The following NUP62 variants were observed in gnomAD, a reference collection of about 807,000 sequenced individuals.
The protein encoded by NUP62 is nucleoporin 62.
For missense variants in NUP62, 647 were observed against 689.4 expected (o/e 0.94, Z 0.69); for synonymous variants, 305 against 303.4 (o/e 1.01, Z -0.05).
chr19:49,909,523 T>C lies in NUP62; in HGVS notation c.285A>G (p.Ser95=), dbSNP rs2075407398. The C allele has an allele frequency of 6.2e-7, 1 of 1,614,058 alleles. No homozygotes were observed. The highest frequency in any genetic ancestry group is 2.2e-5 in the East Asian group (1 of 44,888). Residue 95 remains serine, a synonymous_variant, in exon 3 of 3, where the codon TCA becomes TCG. Transcript: ENST00000352066. ...CAGCTGTGTTGCTCAAGTTGAGCTT[T>C]GAAGCACCGATCCCCAAAGAAAATC... is the stretch of plus-strand genomic sequence containing the variant. ...GTGFSLGIGA[S]KLNLSNTAAT...
chr19:49,926,108 C>G (rs1357377890), intron 2 of NUP62, among the ~76,000 whole-genome samples: 1 of 149,440 alleles, frequency 6.7e-6, no homozygotes, highest in Non-Finnish European at 1.5e-5. Flanking sequence ...ACTCTGGAGC[C>G]TGAAGCAGGA....
chr19:49,909,636 C>G lies in NUP62; in HGVS notation c.172G>C (p.Gly58Arg), dbSNP rs755566695. The G allele has an allele frequency of 6.2e-7, 1 of 1,614,086 alleles. No homozygotes were observed. The change falls in exon 3 of 3, where the codon GGC (glycine) becomes CGC (arginine). Residue 58 changes from glycine (G) to arginine (R), a missense_variant. Gly to Arg is a moderately radical substitution (Grantham distance 125). Coordinates refer to ENST00000352066, the MANE Select transcript of NUP62 (RefSeq NM_016553.5). ...FQPATSTPST[G>R]LFSLATQTPA... ...GTCTGGGTGGCAAGTGAGAACAGGC[C>G]GGTGGAAGGGGTACTTGTGGCTGGT...
chr19:49,909,567 G>A lies in NUP62; in HGVS notation c.241C>T (p.Leu81Phe), dbSNP rs769329000. The A allele has an allele frequency of 1.2e-6, 2 of 1,614,064 alleles. No individual in the cohort carries two copies. The highest frequency in any genetic ancestry group is 1.7e-6 in the Non-Finnish European group (2 of 1,180,042). Residue 81 changes from leucine (L) to phenylalanine (F), a missense_variant, in exon 3 of 3, where the codon CTT (leucine) becomes TTT (phenylalanine). Leu to Phe is a conservative substitution (Grantham distance 22, BLOSUM62 0). Transcript: ENST00000352066. Reference sequence around the variant, plus strand: ...GAAAATCCAGTTCCCCCCGAAGCAAGAGTCGCTGTTCCAAAAGTGAAGCCT... The same window carrying A: ...GAAAATCCAGTTCCCCCCGAAGCAAAAGTCGCTGTTCCAAAAGTGAAGCCT... Reference protein sequence around the residue: ...TTGFTFGTATLASGGTGFSLG... With the variant: ...TTGFTFGTATFASGGTGFSLG...
At position 49,907,995 on chromosome 19, in the gene NUP62, G is replaced by T; in HGVS notation, c.*244C>A. ...GTGGGTGGTCGCAGTAGGTGAAAAG[G>T]GGCCAAAGATACTCAAATGAAAGCC... On this transcript the variant is annotated 3_prime_UTR_variant, in exon 3 of 3. Transcript: ENST00000352066. 1.3e-6 allele frequency: 1 copy of T among 754,056 alleles called. No individual in the cohort carries two copies. Among genetic ancestry groups the T allele is most frequent in the Non-Finnish European group, 2.1e-6 (1 of 485,648 alleles). 46.7% of individuals were successfully genotyped at this position (754,056 alleles called of 1,614,324 possible). A position where few individuals can be genotyped will look rare whatever the true frequency, so the allele number is the denominator to read the frequency against.
At chr19:49,915,872 G>C (rs2075611135) in intron 2 of NUP62, among the ~76,000 whole-genome samples, 1 of 152,230 alleles carries the variant, frequency 6.6e-6, no homozygotes, top group Non-Finnish European at 1.5e-5. Context: ...CATCTATGAT[G>C]GGAGGGAAGG....
chr19:49,923,464 T>G (rs1169115769), intron 2 of NUP62, among the ~76,000 whole-genome samples: 1 of 152,142 alleles, frequency 6.6e-6, no homozygotes, highest in Non-Finnish European at 1.5e-5. Context: ...CTCGAAGCGT[T>G]CGGGGGAGCA....
chr19:49,919,615 C>T (rs551222550), intron 2 of NUP62, among the ~76,000 whole-genome samples: 13 of 152,272 alleles, frequency 8.5e-5, no homozygotes, highest in East Asian at 7.7e-4. Context: ...AGTCACCTGA[C>T]GGCTAATTAG....
chr19:49,920,753 G>T (rs1375642197), intron 2 of NUP62, among the ~76,000 whole-genome samples: 1 of 152,224 alleles, frequency 6.6e-6, no homozygotes, highest in Non-Finnish European at 1.5e-5. Flanking sequence ...GGTTGGCGGT[G>T]CAGGCACAGG....
chr19:49,926,789 C>T (rs181535038), intron 2 of NUP62, among the ~76,000 whole-genome samples: 4 of 151,858 alleles, frequency 2.6e-5, no homozygotes, highest in Admixed American at 1.3e-4. Context: ...GTGTCCCAGG[C>T]GTTAGTCTAA....
At position 49,909,730 on chromosome 19, in the gene NUP62, G is replaced by A. The variant is rs554368833; in HGVS notation, c.78C>T (p.Thr26=). 9 of 1,614,156 alleles carry A rather than the reference G, an allele frequency of 5.6e-6. No individual in the cohort carries two copies. The South Asian group carries it at 7.7e-5, about 14-fold the overall frequency. ...AGAAAGAAAACCCTGTAGCAGGTGT[G>A]GTTGTTGCCGTCTTTGCAGTGCCAA... is the stretch of plus-strand genomic sequence containing the variant. ...FTFGTAKTAT[T]TPATGFSFST... Residue 26 remains threonine, a synonymous_variant, in exon 3 of 3, where the codon ACC becomes ACT. Transcript: ENST00000352066.
At position 49,908,994 on chromosome 19, in the gene NUP62, A is replaced by G. The variant is rs1568699872; in HGVS notation, c.814T>C (p.Ser272Pro). The G allele has an allele frequency of 3.1e-6, 5 of 1,609,978 alleles. No homozygotes were observed. In the Admixed American group the frequency reaches 5.0e-5, roughly 16 times the overall value. The change falls in exon 3 of 3, where the codon TCC becomes CCC. Residue 272 changes from serine to proline, a missense_variant. Ser to Pro is a moderately conservative substitution (Grantham distance 74). Coordinates refer to ENST00000352066, the MANE Select transcript of NUP62 (RefSeq NM_016553.5). The part of the protein sequence containing the change: ...GAASGTSTTT[S>P]TAATATATTT... ...GTGGCGGTGGCGGTGGCAGCGGTGG[A>G]TGTTGTTGTGGAGGTGCCGGAAGCT... is the stretch of plus-strand genomic sequence containing the variant.
At position 49,908,056 on chromosome 19, in the gene NUP62, G is replaced by A. The variant is rs2075362919; in HGVS notation, c.*183C>T. 1 of 1,312,030 alleles carries A rather than the reference G, an allele frequency of 7.6e-7. No homozygotes were observed. The highest frequency in any genetic ancestry group is 1.0e-6 in the Non-Finnish European group (1 of 984,512). 81.3% of individuals were successfully genotyped at this position (1,312,030 alleles called of 1,614,324 possible). ...CACCCATGAGGCTGCTGCCTGGGCA[G>A]AAGGCCCAGAATACCCTCCTAAATG... On this transcript the variant is annotated 3_prime_UTR_variant, in exon 3 of 3. Transcript: ENST00000352066.
At chr19:49,916,107 G>T (rs1199575606) in intron 2 of NUP62, among the ~76,000 whole-genome samples, 1 of 152,244 alleles carries the variant, frequency 6.6e-6, no homozygotes, top group African/African-American at 2.4e-5. Context: ...TGGGAAACAA[G>T]TGCAGACTCC....
chr19:49,915,397 G>C (rs917705373), intron 2 of NUP62, among the ~76,000 whole-genome samples: 2 of 152,192 alleles, frequency 1.3e-5, no homozygotes, highest in Non-Finnish European at 2.9e-5. Flanking sequence ...TTGAAGATGA[G>C]GGGGCCACAA....
chr19:49,908,177 C>A lies in NUP62; in HGVS notation c.*62G>T, dbSNP rs2075365335. 1.9e-6 allele frequency: 3 copies of A among 1,590,446 alleles called. No individual in the cohort carries two copies. Among genetic ancestry groups the A allele is most frequent in the African/African-American group, 1.3e-5 (1 of 74,622 alleles). The stretch of plus-strand genomic sequence containing the variant: ...TCTTGCCACAACCCCAAACTACAGA[C>A]AACAGGGCGCATTCCCCTCATGAAC... On this transcript the variant is annotated 3_prime_UTR_variant, in exon 3 of 3. Coordinates refer to ENST00000352066, the MANE Select transcript of NUP62 (RefSeq NM_016553.5).
intron 2 of NUP62, chr19:49,913,087 G>A (rs1430857432): frequency 6.6e-6 from 1 of 152,492 alleles, no homozygotes; most frequent in Non-Finnish European, 1.5e-5. Context: ...GGGAGAAGCT[G>A]AGCGTTGCAG....
chr19:49,914,733 T>TTTTG lies in NUP62; in HGVS notation c.-77-4850_-77-4849insCAAA, dbSNP rs1281360123. 3.5e-4 allele frequency among the ~76,000 whole-genome samples: 36 copies of TTTTG among 102,952 alleles called. 1 individual carries two copies. The South Asian group carries it at 3.5e-3, about 10-fold the overall frequency. 67.5% of individuals were successfully genotyped at this position (102,952 alleles called of 152,430 possible). On this transcript the variant is annotated intron_variant, in intron 2 of 2. Coordinates refer to ENST00000352066, the MANE Select transcript of NUP62 (RefSeq NM_016553.5). The stretch of plus-strand genomic sequence containing the variant: ...GTGCCACTCCAAGTCCCAGTTTTTT[T>TTTTG]TTTTTTTTTTTTTTTTTTTTTTTTG...
chr19:49,920,395 T>C (rs1600543991), intron 2 of NUP62, among the ~76,000 whole-genome samples: 1 of 152,198 alleles, frequency 6.6e-6, no homozygotes, highest in East Asian at 1.9e-4. Flanking sequence ...AGTTTCTTTT[T>C]AGCGTGATGA....
chr19:49,920,973 T>C (rs79722839), intron 2 of NUP62, among the ~76,000 whole-genome samples: 4,449 of 152,212 alleles, frequency 0.029, 226 homozygotes, highest in African/African-American at 0.1. Context: ...AGACGGTTGC[T>C]ATGGAGGTTT....
Sources: allele counts gnomAD v4.1 joint callset (sites outside exome capture counted in the v4.1 genomes callset), GRCh38; gene constraint gnomAD v4.1.1; transcripts MANE v1.5; gene names NCBI Gene and HGNC (gene_info 2026-07-23, HGNC 2026-07-21).